Variants in UNC5B observed in about 807,000 individuals in gnomAD.
UNC5B encodes netrin receptor UNC5B.
In UNC5B, 56 loss-of-function variants were observed where a neutral mutation model predicts 103.7. The ratio of observed to expected loss-of-function variants is 0.54; its 90% CI spans 0.44 to 0.67. The LOEUF is 0.67. Ranked by LOEUF, UNC5B falls within the 30% of genes least tolerant of loss-of-function variation. UNC5B has a pLI of 0.00. For missense variants in UNC5B, 1,194 were observed against 1,284.5 expected (o/e 0.93, Z 1.08); for synonymous variants, 577 against 542.0 (o/e 1.06, Z -0.90).
chr10:71,227,599 C>CATATAT (rs1467038686), intron 1 of UNC5B, among the ~76,000 whole-genome samples: 3 of 142,328 alleles, frequency 2.1e-5, no homozygotes, highest in African/African-American at 8.1e-5. Flanking sequence ...ATTTTGTATA[C>CATATAT]ATACATATAT....
intron 1 of UNC5B, among the ~76,000 whole-genome samples, chr10:71,232,308 C>G (rs1235346255): frequency 6.6e-6 from 1 of 152,202 alleles, no homozygotes; most frequent in Non-Finnish European, 1.5e-5. Context: ...CTTCATTTAC[C>G]AGAAGTTCAC....
At chr10:71,290,285 T>G (rs529487169) in intron 8 of UNC5B, among the ~76,000 whole-genome samples, 1 of 152,118 alleles carries the variant, frequency 6.6e-6, no homozygotes, top group Non-Finnish European at 1.5e-5. Context: ...GCTTCCCGCC[T>G]GGCCATGTTT....
chr10:71,294,630 C>T (rs147311948), intron 13 of UNC5B, among the ~76,000 whole-genome samples: 17 of 152,128 alleles, frequency 1.1e-4, no homozygotes, highest in South Asian at 4.2e-4. Flanking sequence ...TGGACAGAAC[C>T]GGTGACTGAT....
At chr10:71,284,632 A>G (rs1845017585) in intron 2 of UNC5B, 88 bp from the exon 3 acceptor site, 2 of 1,578,178 alleles carry the variant, frequency 1.3e-6, no homozygotes, top group African/African-American at 2.7e-5. Context: ...GAGTGCCAGC[A>G]GGATCCGAGG....
At chr10:71,285,289 G>A (rs755927211) in intron 3 of UNC5B, 37 bp from the exon 4 acceptor site, 25 of 1,570,698 alleles carry the variant, frequency 1.6e-5, no homozygotes, top group Middle Eastern at 1.7e-4. Context: ...GATCCTGCCC[G>A]CACCTGACTG....
At chr10:71,255,139 C>T (rs532412601) in intron 1 of UNC5B, among the ~76,000 whole-genome samples, 2 of 152,150 alleles carry the variant, frequency 1.3e-5, no homozygotes, top group African/African-American at 2.4e-5. Context: ...CATTAATACC[C>T]GAGAAGAACC....
chr10:71,260,392 G>C (rs1844388973), intron 1 of UNC5B, among the ~76,000 whole-genome samples: 1 of 152,212 alleles, frequency 6.6e-6, no homozygotes, highest in Non-Finnish European at 1.5e-5. Context: ...ATGGCACCGG[G>C]TGTGGCCCAT....
At chr10:71,280,083 C>T (rs749874883) in intron 2 of UNC5B, 38 bp downstream of exon 2, 13 of 1,604,258 alleles carry the variant, frequency 8.1e-6, no homozygotes, top group Middle Eastern at 1.7e-4. Context: ...CCCAGGACAC[C>T]CCAGGCCCAG....
At chr10:71,298,975 G>A in intron 16 of UNC5B, 137 bp from the exon 17 acceptor site, 1 of 1,095,132 alleles carries the variant, frequency 9.1e-7, no homozygotes, top group South Asian at 1.5e-5. Context: ...CTGCAGCACA[G>A]TAGCTGCAAT....
At chr10:71,292,698 C>T (rs1468596472) in intron 11 of UNC5B, 144 bp downstream of exon 11, 15 of 697,224 alleles carry the variant, frequency 2.2e-5, no homozygotes, top group Non-Finnish European at 3.4e-5. Flanking sequence ...ATATTGAAAA[C>T]TTGCAGAACC....
intron 1 of UNC5B, among the ~76,000 whole-genome samples, chr10:71,231,482 T>G (rs961851515): frequency 3.3e-5 from 5 of 152,174 alleles, no homozygotes; most frequent in African/African-American, 9.6e-5. Flanking sequence ...CTGGAATGGT[T>G]GTTTGAATAC....
At chr10:71,255,307 C>T (rs916558711) in intron 1 of UNC5B, among the ~76,000 whole-genome samples, 1 of 152,184 alleles carries the variant, frequency 6.6e-6, no homozygotes, top group Non-Finnish European at 1.5e-5. Flanking sequence ...AAAAGACACG[C>T]CCTCATTCAT....
chr10:71,258,166 A>G (rs889572135), intron 1 of UNC5B, among the ~76,000 whole-genome samples: 3 of 152,176 alleles, frequency 2.0e-5, no homozygotes, highest in African/African-American at 7.2e-5. Context: ...TGAAGGCCCC[A>G]CAGCTATCGA....
chr10:71,294,682 G>T (rs1845360964), intron 13 of UNC5B, among the ~76,000 whole-genome samples: 1 of 152,106 alleles, frequency 6.6e-6, no homozygotes, highest in Non-Finnish European at 1.5e-5. Flanking sequence ...TGACAGCCAG[G>T]CTCCTAGCAT....
chr10:71,223,037 C>G (rs1843482226), intron 1 of UNC5B, among the ~76,000 whole-genome samples: 1 of 152,188 alleles, frequency 6.6e-6, no homozygotes, highest in Non-Finnish European at 1.5e-5. Context: ...GAGCAGTGAC[C>G]TGTGGTGGGA....
At chr10:71,214,688 T>C (rs888626887) in intron 1 of UNC5B, among the ~76,000 whole-genome samples, 3 of 152,118 alleles carry the variant, frequency 2.0e-5, no homozygotes, top group Non-Finnish European at 2.9e-5. Flanking sequence ...GAATAAATAC[T>C]TAGGTTACCA....
chr10:71,269,935 T>C (rs1844604919), intron 1 of UNC5B, among the ~76,000 whole-genome samples: 1 of 151,886 alleles, frequency 6.6e-6, no homozygotes, highest in Admixed American at 6.6e-5. Flanking sequence ...AGAGAATATG[T>C]GTGTGTGGGA....
At chr10:71,240,231 T>G (rs564273458) in intron 1 of UNC5B, among the ~76,000 whole-genome samples, 113 of 152,364 alleles carry the variant, frequency 7.4e-4, no homozygotes, top group African/African-American at 2.6e-3. Context: ...GCCTGCTGCA[T>G]TTTTTTGGAT....
chr10:71,296,029 C>G (rs1021569588), intron 14 of UNC5B, 69 bp downstream of exon 14: 20 of 1,601,510 alleles, frequency 1.2e-5, no homozygotes, highest in Admixed American at 3.4e-5. Context: ...AGCTCCCTCC[C>G]GGGCCCTGCC....
Sources: gnomAD v4.1 joint callset for allele counts (sites outside exome capture counted in the v4.1 genomes callset) on GRCh38, gnomAD v4.1.1 for gene constraint, MANE v1.5 for transcripts, NCBI Gene and HGNC (gene_info 2026-07-23, HGNC 2026-07-21) for gene names.